The following YLPM1 variants were observed in gnomAD, a reference collection of about 807,000 sequenced individuals.
The protein encoded by YLPM1 is YLP motif-containing protein 1.
Under a neutral mutation model 230.0 loss-of-function variants are expected in YLPM1, and 99 were observed. That is an observed-to-expected ratio of 0.43 (90% CI 0.37 to 0.51). The LOEUF is 0.51. Among genes scored for constraint, YLPM1 ranks in the 20% least tolerant of loss-of-function variants. YLPM1 has a pLI of 0.00. For synonymous variants in YLPM1, 984 were observed against 942.5 expected (o/e 1.04, Z -0.81); for missense variants, 2,592 against 2,707.7 (o/e 0.96, Z 0.95).
chr14:74,825,485 A>G (rs184642322), intron 18 of YLPM1, among the ~76,000 whole-genome samples: 241 of 152,302 alleles, frequency 1.6e-3, no homozygotes, highest in Admixed American at 4.2e-3. Flanking sequence ...AATCTTAATA[A>G]TAACCAATTG....
intron 1 of YLPM1, among the ~76,000 whole-genome samples, chr14:74,767,169 A>C (rs1202384077): frequency 2.0e-5 from 3 of 152,176 alleles, no homozygotes; most frequent in Non-Finnish European, 2.9e-5. Flanking sequence ...GGCGTGAGCC[A>C]CCGTGCCCGG....
intron 4 of YLPM1, among the ~76,000 whole-genome samples, chr14:74,794,211 C>T (rs147796778): frequency 2.0e-4 from 30 of 152,080 alleles, no homozygotes; most frequent in African/African-American, 7.2e-4. Flanking sequence ...GAGACAAAGT[C>T]TCACTTTGTC....
At chr14:74,764,484 G>T (rs1230820256) in intron 1 of YLPM1, 122 bp downstream of exon 1, 2 of 1,284,396 alleles carry the variant, frequency 1.6e-6, no homozygotes, top group Non-Finnish European at 2.1e-6. Flanking sequence ...CACTCCAAAG[G>T]ATTCCGTAAG....
In YLPM1 at chr14:74,802,592, C is replaced by T. The variant is rs540789341; in HGVS notation, c.4437C>T (p.Phe1479=). Residue 1479 remains phenylalanine, a synonymous_variant, in exon 6 of 21, where the codon TTC becomes TTT. Coordinates refer to ENST00000325680, the MANE Select transcript of YLPM1 (RefSeq NM_019589.3). ...AACAGCTTCAAAAGATGAAAGACTT[C>T]GGGTCTGAGCCACAGATGGCTGACC... ...QKEQLQKMKD[F]GSEPQMADHL... The T allele has an allele frequency of 1.6e-5, 26 of 1,612,780 alleles. No individual in the cohort carries two copies. Among genetic ancestry groups the T allele is most frequent in the Middle Eastern group, 1.6e-4 (1 of 6,062 alleles).
intron 18 of YLPM1, among the ~76,000 whole-genome samples, chr14:74,825,069 A>G (rs2091551792): frequency 6.6e-6 from 1 of 152,168 alleles, no homozygotes; most frequent in Admixed American, 6.5e-5. Flanking sequence ...TGTGCTAAGG[A>G]CTTTTTGAGA....
Position 74,798,698 on chromosome 14 carries a change from T to C in YLPM1, c.3401T>C (p.Ile1134Thr), listed in dbSNP as rs756917006. 2.5e-6 allele frequency: 4 copies of C among 1,610,198 alleles called. No homozygotes were observed. Among genetic ancestry groups the C allele is most frequent in the Non-Finnish European group, 3.4e-6 (4 of 1,178,258 alleles). ...CGAAGGGCTGGGAGTAGAGAGAGAA[T>C]ACCACCCCGAAGAGCTGGGAGCAGG... ...PLRRAGSRER[I>T]PPRRAGSRER... Residue 1134 changes from isoleucine to threonine, a missense_variant, in exon 5 of 21, where the codon ATA (isoleucine) becomes ACA (threonine). This residue lies in a region of YLPM1 where 1,862 missense variants were observed against 1,819.8 expected (regional missense o/e 1.02). Coordinates refer to ENST00000325680, the MANE Select transcript of YLPM1 (RefSeq NM_019589.3).
At chr14:74,793,965 TC>T (rs1284452171) in intron 4 of YLPM1, among the ~76,000 whole-genome samples, 1 of 152,236 alleles carries the variant, frequency 6.6e-6, no homozygotes, top group Non-Finnish European at 1.5e-5. Flanking sequence ...TTTGATTTTA[TC>T]CCTTTCTGCC....
intron 9 of YLPM1, 29 bp downstream of exon 9, chr14:74,810,449 G>A (rs1417824452): frequency 5.0e-6 from 8 of 1,604,348 alleles, no homozygotes; most frequent in Admixed American, 1.7e-5. Context: ...TTTGCTAGGT[G>A]TACAAATTAC....
intron 4 of YLPM1, among the ~76,000 whole-genome samples, chr14:74,790,260 A>G (rs1230015431): frequency 6.6e-6 from 1 of 152,014 alleles, no homozygotes; most frequent in Non-Finnish European, 1.5e-5. Flanking sequence ...GGTTTTCTTT[A>G]TATTTCCATT....
rs551616096 is a variant in YLPM1, at chr14:74,837,292, A to G, written c.*1554A>G. ...TTGAATGTATAAATTGCTACATTAA[A>G]TAACTTCTGCTGTTTGTAGTATTTA... is the stretch of plus-strand genomic sequence containing the variant. On this transcript the variant is annotated 3_prime_UTR_variant, in exon 21 of 21. Coordinates refer to ENST00000325680, the MANE Select transcript of YLPM1 (RefSeq NM_019589.3). The G allele has an allele frequency of 6.6e-6, 1 of 152,354 alleles. No individual in the cohort carries two copies. The highest frequency in any genetic ancestry group is 2.1e-4 in the South Asian group (1 of 4,832). The allele number at this position is 152,354 out of a possible 1,614,324, so 9.4% of individuals were successfully genotyped here.
chr14:74,767,785 G>A (rs1166306944), intron 1 of YLPM1, among the ~76,000 whole-genome samples: 1 of 151,532 alleles, frequency 6.6e-6, no homozygotes, highest in Non-Finnish European at 1.5e-5. Context: ...CTTTTTCATG[G>A]TGTCACATTT....
Position 74,798,154 on chromosome 14 carries a change from C to T in YLPM1, c.2857C>T (p.Pro953Ser), listed in dbSNP as rs889689408. The T allele has an allele frequency of 2.5e-6, 4 of 1,613,822 alleles. No individual in the cohort carries two copies. The African/African-American group carries it at 5.3e-5, about 22-fold the overall frequency. Residue 953 changes from proline to serine, a missense_variant, in exon 5 of 21, where the codon CCT becomes TCT. Pro to Ser is a moderately conservative substitution (Grantham distance 74). Transcript: ENST00000325680. ...QPVPLANKPV[P>S]AQSTFPSKTG... ...TGTACCCCTTGCGAATAAGCCTGTACCTGCTCAATCTACTTTTCCTTCAAA... is the reference window on the plus strand; with the variant it reads ...TGTACCCCTTGCGAATAAGCCTGTATCTGCTCAATCTACTTTTCCTTCAAA...
intron 18 of YLPM1, among the ~76,000 whole-genome samples, chr14:74,824,738 A>G (rs899793305): frequency 6.6e-6 from 1 of 152,096 alleles, no homozygotes; most frequent in Non-Finnish European, 1.5e-5. Flanking sequence ...CTCCTTGTAT[A>G]ATAAATGAGA....
At position 74,798,571 on chromosome 14, in the gene YLPM1, A is replaced by G; in HGVS notation, c.3274A>G (p.Lys1092Glu). The G allele has an allele frequency of 1.1e-5, 17 of 1,613,808 alleles. No individual in the cohort carries two copies. The highest frequency in any genetic ancestry group is 1.4e-5 in the Non-Finnish European group (17 of 1,179,834). Residue 1092 changes from lysine to glutamate, a missense_variant, in exon 5 of 21, where the codon AAA (lysine) becomes GAA (glutamate). Physicochemically the swap from Lys to Glu is moderately conservative, Grantham distance 56 (BLOSUM62 1). This residue lies in a region of YLPM1 where 1,862 missense variants were observed against 1,819.8 expected (regional missense o/e 1.02). Coordinates refer to ENST00000325680, the MANE Select transcript of YLPM1 (RefSeq NM_019589.3). ...GLVRPGSSRE[K>E]VPGGLQGSQD... ...GGTGAGGCCTGGAAGCAGTCGGGAG[A>G]AAGTGCCAGGTGGTCTTCAAGGGAG...
At chr14:74,775,160 ATTC>A (rs2091021980) in intron 1 of YLPM1, among the ~76,000 whole-genome samples, 2 of 152,222 alleles carry the variant, frequency 1.3e-5, no homozygotes, top group South Asian at 4.1e-4. Flanking sequence ...GATGGAATTT[ATTC>A]TTCCCAATAG....
intron 1 of YLPM1, among the ~76,000 whole-genome samples, chr14:74,769,326 G>A (rs2090950315): frequency 7.6e-6 from 1 of 132,302 alleles, no homozygotes; most frequent in Non-Finnish European, 1.5e-5. Context: ...AGGCTGGGGT[G>A]CAATGGCACG....
At chr14:74,830,710 G>A (rs961937589) in intron 19 of YLPM1, among the ~76,000 whole-genome samples, 1 of 152,168 alleles carries the variant, frequency 6.6e-6, no homozygotes, top group African/African-American at 2.4e-5. Flanking sequence ...TTCAATTATG[G>A]TGGAAGACAA....
intron 9 of YLPM1, 137 bp downstream of exon 9, chr14:74,810,557 G>C (rs2091424708): frequency 1.1e-6 from 1 of 917,444 alleles, no homozygotes. Flanking sequence ...AACAATTCTG[G>C]ACCAGTTTTC....
At chr14:74,835,587 G>C in intron 20 of YLPM1, 140 bp downstream of exon 20, 1 of 742,898 alleles carries the variant, frequency 1.3e-6, no homozygotes, top group Non-Finnish European at 2.1e-6. Context: ...TGTACTAGTT[G>C]TTAACATTTA....
Sources: gnomAD v4.1 joint callset for allele counts (sites outside exome capture counted in the v4.1 genomes callset) on GRCh38, gnomAD v4.1.1 for gene constraint, gnomAD v4.1.1 regional missense constraint, MANE v1.5 for transcripts, NCBI Gene and HGNC (gene_info 2026-07-23, HGNC 2026-07-21) for gene names.